The following JAK3 variants were observed in gnomAD, a reference collection of about 807,000 sequenced individuals.
JAK3 encodes Janus kinase 3, also known as tyrosine-protein kinase JAK3.
In JAK3, 88 loss-of-function variants were observed where a neutral mutation model predicts 120.8. That is an observed-to-expected ratio of 0.73 (90% CI 0.61 to 0.87). The LOEUF (loss-of-function observed/expected upper bound fraction) is 0.87. JAK3 is among the 40% of genes least tolerant of loss of function. JAK3 has a pLI of 0.00. For synonymous variants in JAK3, 592 were observed against 628.6 expected, an observed-to-expected ratio of 0.94 and a Z score of 0.87; for missense variants, 1,254 against 1,501.4, an observed-to-expected ratio of 0.84 and a Z score of 2.72.
intron 10 of JAK3, chr19:17,839,169 G>A: frequency 2.0e-6 from 1 of 508,756 alleles, no homozygotes; most frequent in Non-Finnish European, 3.8e-6. Flanking sequence ...GGGAGACTCA[G>A]AAGAACTCAC....
intron 17 of JAK3, among the ~76,000 whole-genome samples, chr19:17,834,245 G>C (rs3212769): frequency 0.012 from 1,848 of 152,142 alleles, 42 homozygotes; most frequent in African/African-American, 0.043. Flanking sequence ...TACTCAGGAG[G>C]CTGAGGCAGG....
rs1039525429 is a variant in JAK3 at position 17,831,459 on chromosome 19, C to T, written c.2806-59G>A. ...TCCCAGGATAATCCGGCAGGTACCCCAAGCGTGACCTGGCACCCCAACCCA... is the reference window on the plus strand; with the variant it reads ...TCCCAGGATAATCCGGCAGGTACCCTAAGCGTGACCTGGCACCCCAACCCA... On this transcript the variant is annotated intron_variant, in intron 20 of 23. Coordinates refer to ENST00000458235, the MANE Select transcript of JAK3 (RefSeq NM_000215.4). This position sits in a 1 kb window ranked among gnomAD's most constrained non-coding sequence, Gnocchi z 5.1. The T allele has an allele frequency of 1.2e-5, 19 of 1,591,750 alleles. No individual in the cohort carries two copies. In the Middle Eastern group the frequency reaches 7.7e-4, roughly 64 times the overall value.
intron 21 of JAK3, 26 bp from the exon 22 acceptor site, chr19:17,830,646 T>G: frequency 6.3e-7 from 1 of 1,583,724 alleles, no homozygotes; most frequent in Non-Finnish European, 8.7e-7. Context: ...GGTCTTGAGA[T>G]GCGAGGGTGT....
Position 17,842,330 on chromosome 19 carries a change from G to A in JAK3, c.847C>T (p.Gln283Ter). Reference protein sequence around the residue: ...VAGDGGIAWTQGEQEVLQPFC... With the variant: ...VAGDGGIAWT ...TCCGCCCTCACCTCCTGTTCTCCCT[G>A]GGTCCAGGCGATGCCGCCGTCACCA... is the stretch of plus-strand genomic sequence containing the variant. Residue 283 changes from glutamine (Q) to a stop codon, truncating the protein, a stop_gained, in exon 6 of 24, where the codon CAG (glutamine) becomes TAG (stop). Transcript: ENST00000458235. LOFTEE classifies it high-confidence loss of function. This position sits in a 1 kb window ranked among gnomAD's most constrained non-coding sequence, Gnocchi z 6.4. 2 of 1,587,210 alleles carry A rather than the reference G, an allele frequency of 1.3e-6. No homozygotes were observed. Among genetic ancestry groups the A allele is most frequent in the South Asian group, 2.2e-5 (2 of 88,980 alleles).
In JAK3 at chr19:17,831,460, A is replaced by G; in HGVS notation, c.2806-60T>C. Reference sequence around the variant, plus strand: ...CCCAGGATAATCCGGCAGGTACCCCAAGCGTGACCTGGCACCCCAACCCAG... The same window carrying G: ...CCCAGGATAATCCGGCAGGTACCCCGAGCGTGACCTGGCACCCCAACCCAG... On this transcript the variant is annotated intron_variant, in intron 20 of 23. Transcript: ENST00000458235. The surrounding 1 kb of genome is among the most constrained non-coding windows in gnomAD (Gnocchi z 5.1). 1 of 1,589,686 alleles carries G rather than the reference A, an allele frequency of 6.3e-7. No homozygotes were observed. The highest frequency in any genetic ancestry group is 1.1e-5 in the South Asian group (1 of 90,804).
chr19:17,832,853 A>G lies in JAK3; in HGVS notation c.2427T>C (p.Tyr809=), dbSNP rs1414026788. The G allele has an allele frequency of 6.2e-7, 1 of 1,614,138 alleles. No homozygotes were observed. Among genetic ancestry groups the G allele is most frequent in the Non-Finnish European group, 8.5e-7 (1 of 1,180,050 alleles). ...CGAAGATCGTGGGGTCTTGGCAGGCATAGAGCTGGGCACCATTCCACAGCC... is the reference window on the plus strand; with the variant it reads ...CGAAGATCGTGGGGTCTTGGCAGGCGTAGAGCTGGGCACCATTCCACAGCC... ...RDGLWNGAQL[Y]ACQDPTIFEE... Residue 809 remains tyrosine, a synonymous_variant, in exon 18 of 24, where the codon TAT becomes TAC. Transcript: ENST00000458235. This position sits in a 1 kb window ranked among gnomAD's most constrained non-coding sequence, Gnocchi z 4.7.
At position 17,831,622 on chromosome 19, in the gene JAK3, G is replaced by T; in HGVS notation, c.2805+52C>A. 1 of 1,580,388 alleles carries T rather than the reference G, an allele frequency of 6.3e-7. No individual in the cohort carries two copies. Among genetic ancestry groups the T allele is most frequent in the Non-Finnish European group, 8.6e-7 (1 of 1,165,590 alleles). ...CACCGCGACCTCCAAGCAGACCCCT[G>T]CCCAGGCCGTGCCAGCTGAATCCCC... On this transcript the variant is annotated intron_variant, in intron 20 of 23. Coordinates refer to ENST00000458235, the MANE Select transcript of JAK3 (RefSeq NM_000215.4). This position sits in a 1 kb window ranked among gnomAD's most constrained non-coding sequence, Gnocchi z 5.1.
At position 17,831,158 on chromosome 19, in the gene JAK3, CG is replaced by C. The variant is rs1347435144; in HGVS notation, c.2978+69del. On this transcript the variant is annotated intron_variant, in intron 21 of 23. Transcript: ENST00000458235. The surrounding 1 kb of genome is among the most constrained non-coding windows in gnomAD (Gnocchi z 5.1). ...TGGGGAGCAAAGCAGCGGGAGGGGGCGGGGGCATGGCTGGGGGCGGAGCCAG... is the reference window on the plus strand; with the variant it reads ...TGGGGAGCAAAGCAGCGGGAGGGGGCGGGGCATGGCTGGGGGCGGAGCCAG... The C allele has an allele frequency of 6.1e-6, 8 of 1,310,474 alleles. No individual in the cohort carries two copies. Among genetic ancestry groups the C allele is most frequent in the East Asian group, 2.9e-5 (1 of 34,748 alleles). 81.2% of individuals were successfully genotyped at this position (1,310,474 alleles called of 1,614,324 possible).
Position 17,844,360 on chromosome 19 carries a change from A to T in JAK3, c.58T>A (p.Ser20Thr), listed in dbSNP as rs199773433. 1.9e-6 allele frequency: 3 copies of T among 1,612,372 alleles called. No homozygotes were observed. In the East Asian group the frequency reaches 6.7e-5, roughly 36 times the overall value. ...ACATGCAGGGCACCAGCCTCCGTGGACAAGAGGCTGCATGAACGCTGAGGG... is the reference window on the plus strand; with the variant it reads ...ACATGCAGGGCACCAGCCTCCGTGGTCAAGAGGCTGCATGAACGCTGAGGG... Reference protein sequence around the residue: ...LIPQRSCSLLSTEAGALHVLL... With the variant: ...LIPQRSCSLLTTEAGALHVLL... The change falls in exon 2 of 24, where the codon TCC (serine) becomes ACC (threonine). Residue 20 changes from serine to threonine, a missense_variant. Ser to Thr is a moderately conservative substitution (Grantham distance 58). Transcript: ENST00000458235.
Position 17,844,334 on chromosome 19 carries a change from C to T in JAK3, c.84G>A (p.Val28=), listed in dbSNP as rs947181170. The T allele has an allele frequency of 1.2e-6, 2 of 1,611,362 alleles. No homozygotes were observed. The highest frequency in any genetic ancestry group is 1.7e-6 in the Non-Finnish European group (2 of 1,179,508). Residue 28 remains valine, a synonymous_variant, in exon 2 of 24, where the codon GTG becomes GTA. Transcript: ENST00000458235. ...LLSTEAGALH[V]LLPARGPGPP... ...GCCCGGGGCCCCGAGCGGGCAGCAG[C>T]ACATGCAGGGCACCAGCCTCCGTGG...
intron 8 of JAK3, among the ~76,000 whole-genome samples, chr19:17,840,554 G>A (rs1014775687): frequency 6.6e-6 from 1 of 151,956 alleles, no homozygotes; most frequent in African/African-American, 2.4e-5. Context: ...ACGAGGTCAG[G>A]AGATCAACAC....
chr19:17,843,799 G>C lies in JAK3; in HGVS notation c.286C>G (p.Gln96Glu), dbSNP rs2094245638. 2.5e-6 allele frequency: 4 copies of C among 1,613,470 alleles called. No homozygotes were observed. In the African/African-American group the frequency reaches 5.3e-5, roughly 22 times the overall value. Residue 96 changes from glutamine (Q) to glutamate (E), a missense_variant, in exon 3 of 24, where the codon CAA becomes GAA. Around this residue, in one of 3 missense-constraint regions of JAK3, gnomAD observed 138 missense variants for 178.7 expected, o/e 0.77. Transcript: ENST00000458235. The surrounding 1 kb of genome is among the most constrained non-coding windows in gnomAD (Gnocchi z 5.4). ...HIFSVEDAST[Q>E]VLLYRIRFYF... ...TACCGAATCCTGTACAGCAGGACTT[G>C]GGTGCTGGCATCCTCCACGGAGAAG... is the stretch of plus-strand genomic sequence containing the variant.
Position 17,842,632 on chromosome 19 carries a change from G to C in JAK3, c.567-22C>G. ...GTAGCTGCAGGGGTTGGAGGGGAGG[G>C]AGCCGGCCCTCAGCGTCGGGAGGGG... On this transcript the variant is annotated intron_variant, in intron 5 of 23. Transcript: ENST00000458235. This position sits in a 1 kb window ranked among gnomAD's most constrained non-coding sequence, Gnocchi z 6.4. The C allele has an allele frequency of 6.5e-7, 1 of 1,541,292 alleles. No homozygotes were observed. The highest frequency in any genetic ancestry group is 8.8e-7 in the Non-Finnish European group (1 of 1,140,190).
intron 23 of JAK3, among the ~76,000 whole-genome samples, chr19:17,828,947 G>A (rs867666618): frequency 7.2e-5 from 11 of 151,880 alleles, no homozygotes; most frequent in African/African-American, 2.7e-4. Context: ...TTGACCCCAC[G>A]AGCTCAAGAC....
In JAK3 at chr19:17,843,449, G is replaced by A; in HGVS notation, c.351C>T (p.Arg117=). The A allele has an allele frequency of 6.2e-7, 1 of 1,600,442 alleles. No homozygotes were observed. The highest frequency in any genetic ancestry group is 8.5e-7 in the Non-Finnish European group (1 of 1,173,614). The change falls in exon 4 of 24, where the codon CGC becomes CGT. Residue 117 remains arginine (R), a synonymous_variant. Transcript: ENST00000458235. The surrounding 1 kb of genome is among the most constrained non-coding windows in gnomAD (Gnocchi z 5.4). ...TGGCCAAATCCTTGCGTAGCCCGAAGCGGTGGCACTTCTCCAGCCCAAACC... is the reference window on the plus strand; with the variant it reads ...TGGCCAAATCCTTGCGTAGCCCGAAACGGTGGCACTTCTCCAGCCCAAACC... The part of the protein sequence containing the change: ...PNWFGLEKCH[R]FGLRKDLASA...
chr19:17,847,872 A>C, intron 1 of JAK3, 74 bp downstream of exon 1: 6 of 557,594 alleles, frequency 1.1e-5, no homozygotes, highest in Non-Finnish European at 1.4e-5. Context: ...ACCCTGCCCC[A>C]GCCCAGCCAT....
rs1219291336 is a variant in JAK3, at chr19:17,841,638, A to T, written c.984+2T>A. Reference sequence around the variant, plus strand: ...TGAAGGGGAGGGGAATCCTGCACCCACTAAAATCTGGTTGTCTGTCCTGGT... The same window carrying T: ...TGAAGGGGAGGGGAATCCTGCACCCTCTAAAATCTGGTTGTCTGTCCTGGT... On this transcript the variant is annotated splice_donor_variant, in intron 7 of 23. Transcript: ENST00000458235. LOFTEE classifies it high-confidence loss of function. The surrounding 1 kb of genome is among the most constrained non-coding windows in gnomAD (Gnocchi z 4.1). The T allele has an allele frequency of 6.2e-7, 1 of 1,613,922 alleles. No individual in the cohort carries two copies. The highest frequency in any genetic ancestry group is 1.7e-5 in the Admixed American group (1 of 60,010).
Position 17,834,594 on chromosome 19 carries a change from T to C in JAK3, c.2327A>G (p.Asp776Gly). The C allele has an allele frequency of 1.2e-6, 2 of 1,611,116 alleles. No homozygotes were observed. Among genetic ancestry groups the C allele is most frequent in the Non-Finnish European group, 8.5e-7 (1 of 1,178,844 alleles). Residue 776 changes from aspartate (D) to glycine (G), a missense_variant, in exon 17 of 24, where the codon GAC becomes GGC. Asp to Gly is a moderately conservative substitution (Grantham distance 94). This residue lies in a region of JAK3 where 630 missense variants were observed against 819.8 expected (regional missense o/e 0.77). Coordinates refer to ENST00000458235, the MANE Select transcript of JAK3 (RefSeq NM_000215.4). ...ACCTGAAGAGATGAGGCTATTGAGG[T>C]CACGAATGACGGCTCGGAAGGAGGG... is the stretch of plus-strand genomic sequence containing the variant. ...QRPSFRAVIR[D>G]LNSLISSDYE...
rs2094204085 is a variant in JAK3 at position 17,826,452 on chromosome 19, C to T, written c.*291G>A. ...GAAAAGGAAACTCAGGGGGCCAGGG[C>T]TTAAGGGGTTGGGAAGATGCGAGAG... On this transcript the variant is annotated 3_prime_UTR_variant, in exon 24 of 24. Coordinates refer to ENST00000458235, the MANE Select transcript of JAK3 (RefSeq NM_000215.4). 2.2e-6 allele frequency: 1 copy of T among 463,482 alleles called. No individual in the cohort carries two copies. The highest frequency in any genetic ancestry group is 3.9e-6 in the Non-Finnish European group (1 of 255,026). The allele number at this position is 463,482 out of a possible 1,614,324, so 28.7% of individuals were successfully genotyped here. A position where few individuals can be genotyped will look rare whatever the true frequency, so the allele number is the denominator to read the frequency against.
Sources: allele counts gnomAD v4.1 joint callset (sites outside exome capture counted in the v4.1 genomes callset), GRCh38; gene constraint gnomAD v4.1.1; regional missense constraint gnomAD v4.1.1; non-coding constraint Gnocchi (gnomAD v3.1); transcripts MANE v1.5; gene names NCBI Gene and HGNC (gene_info 2026-07-23, HGNC 2026-07-21).